Variants in OR51B5 observed in about 807,000 individuals in gnomAD.
The protein encoded by OR51B5 is olfactory receptor 51B5.
For synonymous variants in OR51B5, 186 were observed against 144.8 expected, an observed-to-expected ratio of 1.28 and a Z score of -2.04; for missense variants, 456 against 374.6, an observed-to-expected ratio of 1.22 and a Z score of -1.79.
chr11:5,451,489 A>C (rs953926285), intron 1 of OR51B5, among the ~76,000 whole-genome samples: 2 of 152,230 alleles, frequency 1.3e-5, no homozygotes, highest in Non-Finnish European at 2.9e-5. Context: ...TTGAAGAGAC[A>C]CAAGCATATG....
intron 1 of OR51B5, chr11:5,423,085 T>C: frequency 6.2e-7 from 1 of 1,613,800 alleles, no homozygotes; most frequent in South Asian, 1.1e-5. Context: ...TCATTTACAG[T>C]GTAAAGAACA....
chr11:5,452,872 G>A (rs757776602), intron 1 of OR51B5, among the ~76,000 whole-genome samples: 1 of 152,162 alleles, frequency 6.6e-6, no homozygotes, highest in Non-Finnish European at 1.5e-5. Flanking sequence ...TATTTCTGTT[G>A]TTGCTTTTTT....
At chr11:5,500,437 C>T (rs444459) in intron 1 of OR51B5, among the ~76,000 whole-genome samples, 20,501 of 148,590 alleles carry the variant, frequency 0.14, 3,273 homozygotes, top group East Asian at 0.22. Context: ...TGAAAACTGT[C>T]GGTACCAAAA....
At chr11:5,360,378 A>T (rs900476549) in intron 1 of OR51B5, among the ~76,000 whole-genome samples, 12 of 152,092 alleles carry the variant, frequency 7.9e-5, no homozygotes, top group Non-Finnish European at 1.8e-4. Context: ...CAGTCAACAG[A>T]CACATGAAAA....
At chr11:5,418,542 C>T (rs7925743) in intron 1 of OR51B5, among the ~76,000 whole-genome samples, 124,913 of 152,034 alleles carry the variant, frequency 0.82, 52,142 homozygotes, top group Non-Finnish European at 0.89. Context: ...TGGAATACTA[C>T]GCCGCCATGA....
chr11:5,376,256 G>T (rs190174504), intron 1 of OR51B5, among the ~76,000 whole-genome samples: 2,391 of 152,174 alleles, frequency 0.016, 33 homozygotes, highest in Non-Finnish European at 0.025. Context: ...GATGTTCTTT[G>T]AAACCAATGA....
At chr11:5,359,888 TG>T (rs1256843839) in intron 1 of OR51B5, among the ~76,000 whole-genome samples, 1 of 152,062 alleles carries the variant, frequency 6.6e-6, no homozygotes. Flanking sequence ...AAAAAACAAA[TG>T]GGGAAAGGAT....
chr11:5,414,376 A>T (rs1399445147), intron 1 of OR51B5, among the ~76,000 whole-genome samples: 2 of 145,236 alleles, frequency 1.4e-5, no homozygotes, highest in African/African-American at 2.5e-5. Flanking sequence ...TGCATCAACT[A>T]ATGAGCAAAA....
chr11:5,501,159 T>TAAC (rs1846287010), intron 1 of OR51B5, among the ~76,000 whole-genome samples: 2 of 147,732 alleles, frequency 1.4e-5, no homozygotes, highest in South Asian at 2.1e-4. Context: ...CACCAGGACT[T>TAAC]AACCTGCAGC....
chr11:5,438,205 T>G (rs1003929507), intron 1 of OR51B5, among the ~76,000 whole-genome samples: 3 of 152,132 alleles, frequency 2.0e-5, no homozygotes, highest in African/African-American at 7.2e-5. Flanking sequence ...GAAGTCATGA[T>G]GTAAAATGAC....
intron 1 of OR51B5, among the ~76,000 whole-genome samples, chr11:5,460,528 A>C (rs1851034666): frequency 6.6e-6 from 1 of 152,148 alleles, no homozygotes; most frequent in Non-Finnish European, 1.5e-5. Flanking sequence ...AACCTTCTTC[A>C]GTATCTCATT....
intron 1 of OR51B5, among the ~76,000 whole-genome samples, chr11:5,475,906 T>C (rs1163415562): frequency 6.6e-6 from 1 of 152,198 alleles, no homozygotes; most frequent in Non-Finnish European, 1.5e-5. Context: ...CTATGTTTCT[T>C]TGCCATTGTA....
At chr11:5,388,392 G>T (rs936507661) in intron 1 of OR51B5, among the ~76,000 whole-genome samples, 1 of 151,442 alleles carries the variant, frequency 6.6e-6, no homozygotes. Flanking sequence ...AACTAAACTT[G>T]GGGAATTTAA....
chr11:5,343,208 G>T, exon 1 of OR51B5: 1 of 1,613,784 alleles, frequency 6.2e-7, no homozygotes, highest in East Asian at 2.2e-5. Flanking sequence ...CTCGAGAAAG[G>T]AAAGTGAGTG....
At chr11:5,403,050 C>T (rs754301510) in intron 1 of OR51B5, 11 of 471,516 alleles carry the variant, frequency 2.3e-5, no homozygotes, top group African/African-American at 1.2e-4. Context: ...GAGCTATTAT[C>T]GTACTGAAAA....
At chr11:5,399,329 T>C (rs532984417) in intron 1 of OR51B5, among the ~76,000 whole-genome samples, 2 of 152,166 alleles carry the variant, frequency 1.3e-5, no homozygotes, top group African/African-American at 4.8e-5. Context: ...CTGACTGTGA[T>C]TGACTCCTGA....
At chr11:5,388,821 G>A (rs1849743696) in intron 1 of OR51B5, among the ~76,000 whole-genome samples, 1 of 152,064 alleles carries the variant, frequency 6.6e-6, no homozygotes, top group Non-Finnish European at 1.5e-5. Flanking sequence ...CAATGAAGGT[G>A]ACGGTGAGTA....
intron 1 of OR51B5, among the ~76,000 whole-genome samples, chr11:5,470,094 T>C (rs1851204682): frequency 6.6e-6 from 1 of 152,244 alleles, no homozygotes; most frequent in Non-Finnish European, 1.5e-5. Flanking sequence ...TCTCAAATTG[T>C]GCTGTATGCT....
At chr11:5,346,077 C>G (rs965225745), upstream of OR51B5, among the ~76,000 whole-genome samples, 1 of 152,126 alleles carries the variant, frequency 6.6e-6, no homozygotes, top group African/African-American at 2.4e-5. Context: ...CTCCTTTAAC[C>G]TAATCTTTCA....
Sources: allele counts gnomAD v4.1 joint callset (sites outside exome capture counted in the v4.1 genomes callset), GRCh38; gene constraint gnomAD v4.1.1; transcripts MANE v1.5; gene names NCBI Gene and HGNC (gene_info 2026-07-23, HGNC 2026-07-21).